WDR7: variants seen among roughly 807,000 people sequenced by gnomAD.
WDR7 encodes the protein WD repeat domain 7.
A neutral mutation model predicts 169.4 loss-of-function variants in WDR7; 46 were observed. That is an observed-to-expected ratio of 0.27 (90% CI 0.21 to 0.35). WDR7 has a LOEUF of 0.35. WDR7 is among the 10% of genes least tolerant of loss of function. WDR7 has a pLI of 1.00. For synonymous variants in WDR7, 612 were observed against 666.8 expected (o/e 0.92, Z 1.27); for missense variants, 1,534 against 1,859.3 (o/e 0.83, Z 3.22).
intron 19 of WDR7, among the ~76,000 whole-genome samples, chr18:56,802,887 A>G (rs933368618): frequency 6.6e-6 from 1 of 151,290 alleles, no homozygotes; most frequent in African/African-American, 2.4e-5. Context: ...TGGCAAATAC[A>G]AGGTCATGCA....
In WDR7 at chr18:56,775,659, T is replaced by C. The variant is rs1024663545; in HGVS notation, c.2849-1123T>C. Among the ~76,000 whole-genome samples, 3 of 152,218 alleles carry C rather than the reference T, an allele frequency of 2.0e-5. 1 individual carries two copies. Among genetic ancestry groups the C allele is most frequent in the South Asian group, 4.2e-4 (2 of 4,816 alleles). On this transcript the variant is annotated intron_variant, in intron 16 of 27. Transcript: ENST00000254442. ...TTTGTGCAAGACGTGCTTCTTAGGG[T>C]TTATGGAGTTAGAGTTGCTTTTTGT... is the stretch of plus-strand genomic sequence containing the variant.
At chr18:56,664,699 G>A (rs962472307) in intron 1 of WDR7, among the ~76,000 whole-genome samples, 3 of 152,096 alleles carry the variant, frequency 2.0e-5, no homozygotes, top group Non-Finnish European at 4.4e-5. Flanking sequence ...GTAAAAGTCA[G>A]CGTTTTAGGT....
intron 12 of WDR7, among the ~76,000 whole-genome samples, chr18:56,716,359 A>G (rs2026192623): frequency 1.3e-5 from 2 of 152,118 alleles, no homozygotes; most frequent in African/African-American, 4.8e-5. Context: ...ACATGAGTAA[A>G]CACCTGTTAT....
chr18:56,790,328 A>T (rs1226128709), intron 19 of WDR7, among the ~76,000 whole-genome samples: 2 of 152,100 alleles, frequency 1.3e-5, no homozygotes, highest in African/African-American at 4.8e-5. Context: ...TTTTGATTGG[A>T]TTGTGAGGCA....
At chr18:56,759,469 A>G (rs1266597057) in intron 16 of WDR7, among the ~76,000 whole-genome samples, 2 of 152,164 alleles carry the variant, frequency 1.3e-5, no homozygotes, top group African/African-American at 2.4e-5. Flanking sequence ...ATGGAGGAGA[A>G]GAAAGGTTGA....
At chr18:56,717,905 A>C in intron 12 of WDR7, 59 bp from the exon 13 acceptor site, 3 of 1,451,166 alleles carry the variant, frequency 2.1e-6, no homozygotes, top group Non-Finnish European at 9.2e-7. Context: ...TATTGAAAAC[A>C]GGATCCATTT....
At chr18:56,984,740 T>G (rs2047689873) in intron 26 of WDR7, among the ~76,000 whole-genome samples, 1 of 152,180 alleles carries the variant, frequency 6.6e-6, no homozygotes, top group Non-Finnish European at 1.5e-5. Context: ...TTGAATTGTG[T>G]TTGGATTTTT....
chr18:56,940,302 C>A (rs140473504), intron 25 of WDR7, among the ~76,000 whole-genome samples: 1 of 152,130 alleles, frequency 6.6e-6, no homozygotes, highest in Admixed American at 6.5e-5. Context: ...AATGGCATTA[C>A]CTGCTATGCA....
intron 26 of WDR7, among the ~76,000 whole-genome samples, chr18:57,015,130 T>G (rs2145924992): frequency 6.6e-6 from 1 of 152,290 alleles, no homozygotes; most frequent in Middle Eastern, 3.4e-3. Context: ...CAGAATAGAT[T>G]TTCATCTGTC....
At chr18:56,842,296 G>A (rs374317267) in intron 20 of WDR7, among the ~76,000 whole-genome samples, 131 of 150,498 alleles carry the variant, frequency 8.7e-4, no homozygotes, top group African/African-American at 3.0e-3. Context: ...GAAGGCGGAA[G>A]AGCAAGAGAG....
chr18:56,879,570 C>A (rs2046075579), intron 20 of WDR7, among the ~76,000 whole-genome samples: 1 of 152,110 alleles, frequency 6.6e-6, no homozygotes, highest in African/African-American at 2.4e-5. Flanking sequence ...TCTTTTCAAG[C>A]ACAAAAGTTT....
In WDR7 at chr18:56,672,670, T is replaced by G. The variant is rs779326166; in HGVS notation, c.155T>G (p.Leu52Arg). 2 of 1,606,482 alleles carry G rather than the reference T, an allele frequency of 1.2e-6. No individual in the cohort carries two copies. The highest frequency in any genetic ancestry group is 1.7e-6 in the Non-Finnish European group (2 of 1,177,056). Residue 52 changes from leucine (L) to arginine (R), a missense_variant, in exon 2 of 28, where the codon CTG becomes CGG. Leu to Arg is a moderately radical substitution (Grantham distance 102). Coordinates refer to ENST00000254442, the MANE Select transcript of WDR7 (RefSeq NM_015285.3). ...QICLWDLSVE[L>R]QINPRALLFG... is the part of the protein sequence containing the mutation. ...TGTCTCTGGGATCTTTCAGTAGAAC[T>G]GCAAGTGAGTATGTGAAATGCCTAT... is the stretch of plus-strand genomic sequence containing the variant.
intron 16 of WDR7, among the ~76,000 whole-genome samples, chr18:56,759,606 G>A (rs895209990): frequency 8.5e-5 from 13 of 152,084 alleles, no homozygotes; most frequent in African/African-American, 2.9e-4. Flanking sequence ...AAGAGAGTTG[G>A]GGAGTTATGT....
intron 20 of WDR7, among the ~76,000 whole-genome samples, chr18:56,858,125 T>G (rs1439568800): frequency 2.0e-5 from 3 of 152,216 alleles, no homozygotes; most frequent in African/African-American, 7.2e-5. Context: ...GTGAATAGCC[T>G]TCAGTTACTT....
rs970078803 is a variant in WDR7, at chr18:56,731,616, C to T, written c.1989+19C>T. On this transcript the variant is annotated intron_variant, in intron 14 of 27. Coordinates refer to ENST00000254442, the MANE Select transcript of WDR7 (RefSeq NM_015285.3). The stretch of plus-strand genomic sequence containing the variant: ...TGACAAGGTAAGTTTTATATGTGGG[C>T]CCATGAAGTGTGTAGACCCCATTTA... 5.6e-6 allele frequency: 9 copies of T among 1,608,232 alleles called. No homozygotes were observed. The African/African-American group carries it at 6.7e-5, about 12-fold the overall frequency.
At chr18:56,910,437 T>C (rs1233399045) in intron 21 of WDR7, among the ~76,000 whole-genome samples, 2 of 152,208 alleles carry the variant, frequency 1.3e-5, no homozygotes, top group Admixed American at 6.6e-5. Flanking sequence ...TTTCACTCTA[T>C]TTCAGAAATG....
At position 56,963,670 on chromosome 18, in the gene WDR7, A is replaced by G. The variant is rs558193972; in HGVS notation, c.4164+1141A>G. Among the ~76,000 whole-genome samples the G allele has an allele frequency of 2.1e-4, 32 of 152,212 alleles. No homozygotes were observed. The South Asian group carries it at 6.6e-3, about 32-fold the overall frequency. On this transcript the variant is annotated intron_variant, in intron 26 of 27. Coordinates refer to ENST00000254442, the MANE Select transcript of WDR7 (RefSeq NM_015285.3). ...ATGCACTATTTGCCATACTTGTTTA[A>G]CTGTCAAATTTTGTTTGTGATTTTT... is the stretch of plus-strand genomic sequence containing the variant.
chr18:56,673,616 T>C (rs1338714908), intron 2 of WDR7, among the ~76,000 whole-genome samples: 1 of 152,020 alleles, frequency 6.6e-6, no homozygotes, highest in Non-Finnish European at 1.5e-5. Flanking sequence ...GATAGATTGC[T>C]TGAGTCCAGG....
intron 16 of WDR7, among the ~76,000 whole-genome samples, chr18:56,762,891 G>A (rs2043999559): frequency 8.1e-6 from 1 of 122,802 alleles, no homozygotes. Flanking sequence ...TCTTACCTTA[G>A]TAAGAATTTT....
Sources: allele counts gnomAD v4.1 joint callset (sites outside exome capture counted in the v4.1 genomes callset), GRCh38; gene constraint gnomAD v4.1.1; transcripts MANE v1.5; gene names NCBI Gene and HGNC (gene_info 2026-07-23, HGNC 2026-07-21).